The following PCDHGB3 variants were observed in gnomAD, a reference collection of about 807,000 sequenced individuals.
PCDHGB3 encodes protocadherin gamma-B3.
Under a neutral mutation model 59.2 loss-of-function variants are expected in PCDHGB3, and 40 were observed. The ratio of observed to expected loss-of-function variants is 0.68; its 90% CI spans 0.52 to 0.88. The LOEUF (loss-of-function observed/expected upper bound fraction) is 0.88. PCDHGB3 is among the 40% of genes least tolerant of loss of function. PCDHGB3 has a pLI of 0.00. For missense variants in PCDHGB3, 1,309 were observed against 1,187.9 expected, an observed-to-expected ratio of 1.10 and a Z score of -1.50; for synonymous variants, 581 against 503.6, an observed-to-expected ratio of 1.15 and a Z score of -2.06.
chr5:141,501,290 TAC>T (rs55762287), intron 2 of PCDHGB3, among the ~76,000 whole-genome samples: 11,544 of 136,022 alleles, frequency 0.085, 708 homozygotes, highest in East Asian at 0.37. Context: ...TATTCCCTTA[TAC>T]ACACACACAC....
At chr5:141,409,920 C>G in intron 1 of PCDHGB3, 1 of 1,613,400 alleles carries the variant, frequency 6.2e-7, no homozygotes, top group Non-Finnish European at 8.5e-7. Flanking sequence ...GACGGCTCCG[C>G]GTTCTTCGAT....
chr5:141,393,500 C>T lies in PCDHGB3; in HGVS notation c.2415+20691C>T, dbSNP rs747121608. 6.2e-6 allele frequency: 10 copies of T among 1,613,922 alleles called. No homozygotes were observed. In the African/African-American group the frequency reaches 6.7e-5, roughly 11 times the overall value. On this transcript the variant is annotated intron_variant, in intron 1 of 3. Coordinates refer to ENST00000576222, the MANE Select transcript of PCDHGB3 (RefSeq NM_018924.5). The stretch of plus-strand genomic sequence containing the variant: ...CTCGCTCTAGCACAGTGCGCATCCA[C>T]GTGACAGTGTTGGATACAAATGACA...
intron 1 of PCDHGB3, chr5:141,391,283 A>G (rs2092334879): frequency 6.6e-6 from 1 of 152,120 alleles, no homozygotes; most frequent in African/African-American, 2.4e-5. Context: ...CAAATTGCTG[A>G]AAGAAGGAAA....
chr5:141,422,275 A>G (rs367711513), intron 1 of PCDHGB3: 6 of 1,560,374 alleles, frequency 3.8e-6, no homozygotes, highest in East Asian at 2.2e-5. Flanking sequence ...AGAAATAACT[A>G]TCACCTCTTC....
intron 1 of PCDHGB3, chr5:141,415,234 A>G: frequency 1.2e-6 from 2 of 1,614,136 alleles, no homozygotes; most frequent in Non-Finnish European, 1.7e-6. Context: ...GTCTCCAGCT[A>G]ACTCTGAAAC....
chr5:141,500,207 T>G (rs932015076), intron 2 of PCDHGB3, among the ~76,000 whole-genome samples: 2 of 150,136 alleles, frequency 1.3e-5, no homozygotes, highest in African/African-American at 4.9e-5. Context: ...TTTATTTATT[T>G]ATTTATTTAT....
intron 1 of PCDHGB3, chr5:141,423,091 G>A (rs1243671863): frequency 6.2e-7 from 1 of 1,613,908 alleles, no homozygotes; most frequent in Non-Finnish European, 8.5e-7. Flanking sequence ...CGCGGTGGGG[G>A]AGCACACGGG....
At chr5:141,422,206 G>C (rs1269700250) in intron 1 of PCDHGB3, 2 of 1,562,442 alleles carry the variant, frequency 1.3e-6, no homozygotes, top group East Asian at 4.5e-5. Context: ...AGATGGTGGA[G>C]GTCTCTTTAC....
At chr5:141,408,392 C>G in intron 1 of PCDHGB3, 1 of 1,614,002 alleles carries the variant, frequency 6.2e-7, no homozygotes, top group South Asian at 1.1e-5. Context: ...TGTGTCGGCT[C>G]GCAAGCTGCG....
intron 1 of PCDHGB3, chr5:141,417,570 T>A: frequency 2.7e-6 from 1 of 373,028 alleles, no homozygotes; most frequent in Non-Finnish European, 4.7e-6. Context: ...AAAAGTCAAG[T>A]TGCAGTCCCA....
At chr5:141,440,983 G>A (rs2154559140) in intron 1 of PCDHGB3, 1 of 152,314 alleles carries the variant, frequency 6.6e-6, no homozygotes, top group South Asian at 2.1e-4. Flanking sequence ...TCACAACCCA[G>A]AGTACCCATA....
chr5:141,504,941 T>G (rs2099842166), intron 2 of PCDHGB3, among the ~76,000 whole-genome samples: 1 of 152,046 alleles, frequency 6.6e-6, no homozygotes, highest in East Asian at 1.9e-4. Flanking sequence ...GGTGGGGGAA[T>G]GCACTATGTT....
At chr5:141,496,869 A>G (rs2099772006) in intron 2 of PCDHGB3, among the ~76,000 whole-genome samples, 1 of 150,116 alleles carries the variant, frequency 6.7e-6, no homozygotes, top group African/African-American at 2.5e-5. Context: ...GAGACTGAAA[A>G]TTTGCAACAA....
chr5:141,458,273 G>C, intron 1 of PCDHGB3, among the ~76,000 whole-genome samples: 1 of 152,158 alleles, frequency 6.6e-6, no homozygotes, highest in Non-Finnish European at 1.5e-5. Context: ...AGGAACAACA[G>C]GGTTCCTGGT....
chr5:141,448,928 G>C (rs2098617520), intron 1 of PCDHGB3, among the ~76,000 whole-genome samples: 1 of 152,166 alleles, frequency 6.6e-6, no homozygotes, highest in Non-Finnish European at 1.5e-5. Context: ...CTGGGCGACA[G>C]AGCAAGACTG....
chr5:141,394,724 G>T, intron 1 of PCDHGB3: 1 of 1,613,380 alleles, frequency 6.2e-7, no homozygotes, highest in Non-Finnish European at 8.5e-7. Flanking sequence ...ACAGAGATGC[G>T]CTCAAGCAGA....
chr5:141,499,029 A>AAGGAAGGAAGGAAGGAAGG (rs1562187768), intron 2 of PCDHGB3, among the ~76,000 whole-genome samples: 3 of 140,076 alleles, frequency 2.1e-5, no homozygotes, highest in African/African-American at 8.3e-5. Flanking sequence ...AGGAAGGAAG[A>AAGGAAGGAAGGAAGGAAGG]AAAGAAAGAA....
intron 1 of PCDHGB3, chr5:141,389,817 C>G: frequency 1.2e-6 from 2 of 1,613,870 alleles, no homozygotes; most frequent in Non-Finnish European, 1.7e-6. Context: ...GGTCGCCGTG[C>G]GTGACGGTGG....
intron 1 of PCDHGB3, chr5:141,419,208 C>T: frequency 6.2e-7 from 1 of 1,613,966 alleles, no homozygotes; most frequent in Non-Finnish European, 8.5e-7. Flanking sequence ...GACAACGCGC[C>T]GGTTTTCGGA....
Sources: gnomAD v4.1 joint callset for allele counts (sites outside exome capture counted in the v4.1 genomes callset) on GRCh38, gnomAD v4.1.1 for gene constraint, MANE v1.5 for transcripts, NCBI Gene and HGNC (gene_info 2026-07-23, HGNC 2026-07-21) for gene names.